The following ABCA3 variants were observed in gnomAD, a reference collection of about 807,000 sequenced individuals.
ABCA3 encodes the protein ATP binding cassette subfamily A member 3, also known as phospholipid-transporting ATPase ABCA3.
In ABCA3, 88 loss-of-function variants were observed where a neutral mutation model predicts 172.8. That is an observed-to-expected ratio of 0.51 (90% confidence interval 0.43 to 0.61). ABCA3 has a LOEUF of 0.61. Among genes scored for constraint, ABCA3 ranks in the 20% least tolerant of loss-of-function variants. The pLI, the probability that ABCA3 is intolerant of heterozygous loss-of-function variation, is 0.00. For missense variants in ABCA3, 2,164 were observed against 2,301.0 expected (o/e 0.94, Z 1.22); for synonymous variants, 1,066 against 983.8 (o/e 1.08, Z -1.56).
chr16:2,335,618 C>T (rs1412113291), intron 1 of ABCA3, among the ~76,000 whole-genome samples: 2 of 152,170 alleles, frequency 1.3e-5, no homozygotes, highest in African/African-American at 2.4e-5. Context: ...TTCACGCTGG[C>T]TTGTATGTCA....
chr16:2,295,255 G>A (rs147551705), intron 18 of ABCA3, among the ~76,000 whole-genome samples: 66 of 152,330 alleles, frequency 4.3e-4, no homozygotes, highest in Non-Finnish European at 7.3e-4. Context: ...TCGGTTTCAC[G>A]AGTAGTTCTG....
chr16:2,283,954 G>C lies in ABCA3; in HGVS notation c.3862+325C>G. On this transcript the variant is annotated intron_variant, in intron 25 of 32. Transcript: ENST00000301732. The surrounding 1 kb of genome is among the most constrained non-coding windows in gnomAD (Gnocchi z 5.4). ...TGCAGCCAGGAGCTCAGGATGCCTG[G>C]AGCCTCCAGGAGATGGGAGAAGCAG... 1 of 294,906 alleles carries C rather than the reference G, an allele frequency of 3.4e-6. No individual in the cohort carries two copies. 18.3% of individuals were successfully genotyped at this position (294,906 alleles called of 1,614,324 possible). A position where few individuals can be genotyped will look rare whatever the true frequency, so the allele number is the denominator to read the frequency against.
intron 8 of ABCA3, among the ~76,000 whole-genome samples, chr16:2,319,372 C>T (rs1408398231): frequency 1.3e-5 from 2 of 151,914 alleles, no homozygotes; most frequent in Non-Finnish European, 2.9e-5. Context: ...ATAGTCCCAA[C>T]TACTCGGGAG....
Position 2,277,967 on chromosome 16 carries a change from G to C in ABCA3, c.4821C>G (p.Ser1607Arg). ...SPQHLKSKFG[S>R]GYSLRAKVQS... Reference sequence around the variant, plus strand: ...GCACCTTGGCCCGCAGGGAGTAGCCGCTGCCGAACTTGCTCTTGAGGTGCT... The same window carrying C: ...GCACCTTGGCCCGCAGGGAGTAGCCCCTGCCGAACTTGCTCTTGAGGTGCT... Residue 1607 changes from serine to arginine, a missense_variant, in exon 31 of 33, where the codon AGC becomes AGG. Ser to Arg is a moderately radical substitution (Grantham distance 110). Transcript: ENST00000301732. The surrounding 1 kb of genome is among the most constrained non-coding windows in gnomAD (Gnocchi z 5.3). 6.2e-7 allele frequency: 1 copy of C among 1,612,852 alleles called. No individual in the cohort carries two copies. The highest frequency in any genetic ancestry group is 2.2e-5 in the East Asian group (1 of 44,886).
chr16:2,340,348 G>T (rs1030258684), intron 1 of ABCA3, among the ~76,000 whole-genome samples: 2 of 151,908 alleles, frequency 1.3e-5, no homozygotes, highest in African/African-American at 2.4e-5. Context: ...GACGCTGAGG[G>T]AGCGGCACCT....
chr16:2,340,405 G>A (rs2093758975), intron 1 of ABCA3, among the ~76,000 whole-genome samples, 168 bp downstream of exon 1: 1 of 151,372 alleles, frequency 6.6e-6, no homozygotes, highest in African/African-American at 2.4e-5. Context: ...GGCGGGCGCG[G>A]GCGCGGCCGG....
rs780579884 is a variant in ABCA3 at position 2,281,087 on chromosome 16, C to T, written c.4299G>A (p.Glu1433=). 9 of 1,613,844 alleles carry T rather than the reference C, an allele frequency of 5.6e-6. No individual in the cohort carries two copies. Among genetic ancestry groups the T allele is most frequent in the Non-Finnish European group, 7.6e-6 (9 of 1,180,030 alleles). The stretch of plus-strand genomic sequence containing the variant: ...CAAAGGCATCCCCAGAAGTGAGGCT[C>T]TCCTCCCCGGTCAGCATTTTGAAAG... ...TTTFKMLTGE[E]SLTSGDAFVG... The change falls in exon 28 of 33, where the codon GAG becomes GAA. Residue 1433 remains glutamate (E), a synonymous_variant. Transcript: ENST00000301732. This position sits in a 1 kb window ranked among gnomAD's most constrained non-coding sequence, Gnocchi z 4.7.
intron 5 of ABCA3, 98 bp from the exon 6 acceptor site, chr16:2,324,629 T>A (rs758874901): frequency 4.5e-6 from 7 of 1,552,118 alleles, no homozygotes; most frequent in Non-Finnish European, 6.1e-6. Context: ...AGACGGCAAA[T>A]CCTCTAGGGC....
At position 2,292,154 on chromosome 16, in the gene ABCA3, C is replaced by T. The variant is rs766248067; in HGVS notation, c.2499G>A (p.Glu833=). ...CATTTACTGACCGAAGGAAGACTTC[C>T]TCCATGGTGGTGATGGATGCCCCAA... is the stretch of plus-strand genomic sequence containing the variant. ...ASFGASITTM[E]EVFLRVGKLV... is the part of the protein sequence containing the mutation. Residue 833 remains glutamate (E), a synonymous_variant, in exon 19 of 33, where the codon GAG becomes GAA. Transcript: ENST00000301732. 1.9e-6 allele frequency: 3 copies of T among 1,613,738 alleles called. No individual in the cohort carries two copies. The highest frequency in any genetic ancestry group is 4.5e-5 in the East Asian group (2 of 44,880).
intron 10 of ABCA3, among the ~76,000 whole-genome samples, chr16:2,315,203 T>TAC (rs377647001): frequency 0.12 from 16,844 of 138,330 alleles, 960 homozygotes; most frequent in Non-Finnish European, 0.13. Context: ...GTATGTATTT[T>TAC]ACACACACAC....
In ABCA3 at chr16:2,283,132, A is replaced by G. The variant is rs114801340; in HGVS notation, c.4035+54T>C. Reference sequence around the variant, plus strand: ...GCTGCCCCAGGTTGTGCTGGGCCCAAGCAGAGACGTGGGGAGCATCTCGCC... The same window carrying G: ...GCTGCCCCAGGTTGTGCTGGGCCCAGGCAGAGACGTGGGGAGCATCTCGCC... On this transcript the variant is annotated intron_variant, in intron 26 of 32. Transcript: ENST00000301732. The surrounding 1 kb of genome is among the most constrained non-coding windows in gnomAD (Gnocchi z 5.4). 1.6e-3 allele frequency: 2,493 copies of G among 1,570,026 alleles called. 38 individuals carry two copies. The African/African-American group carries it at 0.022, about 14-fold the overall frequency.
At position 2,284,135 on chromosome 16, in the gene ABCA3, G is replaced by A; in HGVS notation, c.3862+144C>T. 1.9e-6 allele frequency: 2 copies of A among 1,058,392 alleles called. No individual in the cohort carries two copies. The highest frequency in any genetic ancestry group is 1.6e-5 in the African/African-American group (1 of 62,328). The allele number at this position is 1,058,392 out of a possible 1,614,324, so 65.6% of individuals were successfully genotyped here. ...AGCGGGCGCGAGGGGGCTGCTGTGG[G>A]AGGTGGGGCAAGGCGGTACAGAGGA... On this transcript the variant is annotated intron_variant, in intron 25 of 32. Transcript: ENST00000301732. This position sits in a 1 kb window ranked among gnomAD's most constrained non-coding sequence, Gnocchi z 5.9.
chr16:2,283,635 C>A lies in ABCA3; in HGVS notation c.3863-277G>T. 1 of 467,164 alleles carries A rather than the reference C, an allele frequency of 2.1e-6. No individual in the cohort carries two copies. 28.9% of individuals were successfully genotyped at this position (467,164 alleles called of 1,614,324 possible). ...GAGAGGCACAGGCTCTGCGTGAATC[C>A]TGGGCTGCCTCCTGACCAGGACAGA... On this transcript the variant is annotated intron_variant, in intron 25 of 32. Coordinates refer to ENST00000301732, the MANE Select transcript of ABCA3 (RefSeq NM_001089.3). This position sits in a 1 kb window ranked among gnomAD's most constrained non-coding sequence, Gnocchi z 5.4.
At chr16:2,337,224 C>A (rs776143096) in intron 1 of ABCA3, among the ~76,000 whole-genome samples, 4 of 151,772 alleles carry the variant, frequency 2.6e-5, no homozygotes, top group Admixed American at 1.3e-4. Flanking sequence ...TGGCCTTCGT[C>A]CCTTTAAAAG....
rs376429116 is a variant in ABCA3 at position 2,324,396 on chromosome 16, C to T, written c.447+8G>A. ...GCTGTGACTGCTCGGCCCGGCCGCACGTCTCACCGCCAGCGGCAGGGGCTC... is the reference window on the plus strand; with the variant it reads ...GCTGTGACTGCTCGGCCCGGCCGCATGTCTCACCGCCAGCGGCAGGGGCTC... On this transcript the variant is annotated splice_region_variant and intron_variant, in intron 6 of 32. Transcript: ENST00000301732. 1.1e-4 allele frequency: 174 copies of T among 1,590,240 alleles called. No homozygotes were observed. In the African/African-American group the frequency reaches 1.7e-3, roughly 16 times the overall value.
At position 2,307,787 on chromosome 16, in the gene ABCA3, A is replaced by G. The variant is rs568372509; in HGVS notation, c.1285+663T>C. ...CGCCCGGCTAATTTTTTGTGTTTTT[A>G]GTAGAGACAGGGTTTCACCTTGTTA... On this transcript the variant is annotated intron_variant, in intron 11 of 32. Transcript: ENST00000301732. Among the ~76,000 whole-genome samples, 492 of 151,914 alleles carry G rather than the reference A, an allele frequency of 3.2e-3. 3 individuals are homozygous for G. The highest frequency in any genetic ancestry group is 5.5e-3 in the Non-Finnish European group (372 of 67,940).
At chr16:2,289,926 AGAG>A (rs1000619809) in intron 19 of ABCA3, among the ~76,000 whole-genome samples, 1 of 150,944 alleles carries the variant, frequency 6.6e-6, no homozygotes, top group African/African-American at 2.4e-5. Context: ...CAAGGCTGGC[AGAG>A]GAGGTGATTT....
At chr16:2,325,095 C>T (rs376660644) in intron 5 of ABCA3, among the ~76,000 whole-genome samples, 25 of 152,162 alleles carry the variant, frequency 1.6e-4, no homozygotes, top group African/African-American at 5.3e-4. Flanking sequence ...GCTTTCATCC[C>T]GACAGCAAGG....
chr16:2,297,435 G>A lies in ABCA3; in HGVS notation c.2157C>T (p.Thr719=), dbSNP rs753632724. ...RQKSDRTIVL[T]THFMDEADLL... is the part of the protein sequence containing the mutation. ...GGTCAGCCTCGTCCATGAAGTGGGT[G>A]GTCAGCACGATGGTGCGGTCACTTT... The change falls in exon 17 of 33, where the codon ACC becomes ACT. Residue 719 remains threonine, a synonymous_variant. Coordinates refer to ENST00000301732, the MANE Select transcript of ABCA3 (RefSeq NM_001089.3). The surrounding 1 kb of genome is among the most constrained non-coding windows in gnomAD (Gnocchi z 5.6). 9.9e-6 allele frequency: 16 copies of A among 1,613,800 alleles called. No individual in the cohort carries two copies. In the Admixed American group the frequency reaches 2.5e-4, roughly 25 times the overall value.
Sources: gnomAD v4.1 joint callset for allele counts (sites outside exome capture counted in the v4.1 genomes callset) on GRCh38, gnomAD v4.1.1 for gene constraint, Gnocchi (gnomAD v3.1) non-coding constraint, MANE v1.5 for transcripts, NCBI Gene and HGNC (gene_info 2026-07-23, HGNC 2026-07-21) for gene names.